MOSPD1: variants seen among roughly 807,000 people sequenced by gnomAD.
MOSPD1 encodes the protein motile sperm domain-containing protein 1.
In MOSPD1, 5 loss-of-function variants were observed where a neutral mutation model predicts 16.7. The observed-to-expected ratio is 0.30, with a 90% CI of 0.16 to 0.63. The LOEUF is 0.63. MOSPD1 is among the 30% of genes least tolerant of loss of function. MOSPD1 has a pLI of 0.82. For synonymous variants in MOSPD1, 67 were observed against 59.2 expected (o/e 1.13, Z -0.61); for missense variants, 104 against 153.6 (o/e 0.68, Z 1.71).
intron 4 of MOSPD1, among the ~76,000 whole-genome samples, chrX:134,895,436 TACATATATTTACATAC>T (rs1470399265): frequency 8.9e-6 from 1 of 112,243 alleles, no homozygotes; most frequent in Non-Finnish European, 1.9e-5. Context: ...AAGTTCTCCT[TACATATATTTACATAC>T]ACATATACCC....
chrX:134,896,615 G>C (rs2082885956), intron 4 of MOSPD1, among the ~76,000 whole-genome samples: 1 of 111,610 alleles, frequency 9.0e-6, no homozygotes, highest in South Asian at 3.7e-4. Context: ...GGTCCAGTGA[G>C]GGGTATTCCC....
rs769630845 is a variant in MOSPD1 at position 134,912,241 on chromosome X, T to C, written c.-102+2941A>G. Among the ~76,000 whole-genome samples the C allele has an allele frequency of 2.7e-5, 3 of 111,350 alleles. No individual in the cohort carries two copies. In the East Asian group the frequency reaches 8.5e-4, roughly 32 times the overall value. On this transcript the variant is annotated intron_variant, in intron 1 of 5. Transcript: ENST00000370783. ...TTTTGTATTTTTAGTAGAGTCGGGGTTTCTCCATGTTGGTCAGGCTGGTCT... is the reference window on the plus strand; with the variant it reads ...TTTTGTATTTTTAGTAGAGTCGGGGCTTCTCCATGTTGGTCAGGCTGGTCT...
chrX:134,910,617 TAAAG>T lies in MOSPD1; in HGVS notation c.-102+4561_-102+4564del, dbSNP rs35762678. Reference sequence around the variant, plus strand: ...ATAGATATAAAGTGCTCTGGGAGCATAAAGAAAGTGATCATCTGCCTTAAGGCTA... The same window carrying T: ...ATAGATATAAAGTGCTCTGGGAGCATAAAGTGATCATCTGCCTTAAGGCTA... On this transcript the variant is annotated intron_variant, in intron 1 of 5. Coordinates refer to ENST00000370783, the MANE Select transcript of MOSPD1 (RefSeq NM_019556.3). 5.5e-3 allele frequency among the ~76,000 whole-genome samples: 610 copies of T among 111,625 alleles called. 4 individuals are homozygous for T. Among genetic ancestry groups the T allele is most frequent in the African/African-American group, 0.019 (584 of 30,755 alleles).
chrX:134,894,126 C>T (rs1288174682), intron 4 of MOSPD1, among the ~76,000 whole-genome samples: 1 of 111,934 alleles, frequency 8.9e-6, no homozygotes, highest in Admixed American at 9.6e-5. Context: ...ACAAAATGTA[C>T]TTATGCACAT....
intron 1 of MOSPD1, among the ~76,000 whole-genome samples, chrX:134,900,888 C>A (rs1019336355): frequency 2.7e-5 from 3 of 111,400 alleles, no homozygotes; most frequent in Non-Finnish European, 5.6e-5. Context: ...AAATAAAATG[C>A]AAAAGCTAAA....
chrX:134,902,065 A>G (rs1344232327), intron 1 of MOSPD1, among the ~76,000 whole-genome samples: 1 of 110,881 alleles, frequency 9.0e-6, no homozygotes, highest in African/African-American at 3.3e-5. Flanking sequence ...GTTTGTTGTT[A>G]TTATTATTAT....
chrX:134,896,878 C>T lies in MOSPD1; in HGVS notation c.387G>A (p.Glu129=). ...PSAKEQQKEE[E]EKRLKEHLTE... ...TTAAATGTTCCTTTAATCTTTTTTC[C>T]TCTTCTTCCTTTTGTTGTTCTTTTG... Residue 129 remains glutamate, a synonymous_variant, in exon 4 of 6, where the codon GAG becomes GAA. Coordinates refer to ENST00000370783, the MANE Select transcript of MOSPD1 (RefSeq NM_019556.3). 8.3e-7 allele frequency: 1 copy of T among 1,210,447 alleles called. No homozygotes were observed. The highest frequency in any genetic ancestry group is 1.1e-6 in the Non-Finnish European group (1 of 894,635).
At position 134,896,911 on chromosome X, in the gene MOSPD1, G is replaced by A; in HGVS notation, c.354C>T (p.Leu118=). 6 of 1,208,086 alleles carry A rather than the reference G, an allele frequency of 5.0e-6. No individual in the cohort carries two copies. Among genetic ancestry groups the A allele is most frequent in the East Asian group, 3.0e-5 (1 of 33,834 alleles). ...LGRKEVVATL[L]PSAKEQQKEE... ...CCTTTTGTTGTTCTTTTGCTGATGGGAGAAGAGTAGCAACAACCTCTTTTC... is the reference window on the plus strand; with the variant it reads ...CCTTTTGTTGTTCTTTTGCTGATGGAAGAAGAGTAGCAACAACCTCTTTTC... Residue 118 remains leucine (L), a synonymous_variant, in exon 4 of 6, where the codon CTC becomes CTT. Transcript: ENST00000370783.
intron 1 of MOSPD1, among the ~76,000 whole-genome samples, chrX:134,903,151 G>C (rs1054350023): frequency 1.8e-5 from 2 of 110,372 alleles, no homozygotes; most frequent in Admixed American, 9.7e-5. Flanking sequence ...TAGGATAAAA[G>C]GTGGTATCTC....
chrX:134,904,210 A>G (rs1290130241), intron 1 of MOSPD1, among the ~76,000 whole-genome samples: 2 of 112,266 alleles, frequency 1.8e-5, no homozygotes, highest in African/African-American at 6.5e-5. Flanking sequence ...AACCTCACTC[A>G]CAGCAAAGGA....
In MOSPD1 at chrX:134,899,371, G is replaced by A; in HGVS notation, c.63C>T (p.Pro21=). ...CATCTGCATAAAATATGAGCTCCGT[G>A]GGGAACACGAAAACAGGAAGATTTC... ...VEGNLPVFVF[P]TELIFYADDQ... The change falls in exon 2 of 6, where the codon CCC becomes CCT. Residue 21 remains proline (P), a synonymous_variant. Coordinates refer to ENST00000370783, the MANE Select transcript of MOSPD1 (RefSeq NM_019556.3). 8.3e-7 allele frequency: 1 copy of A among 1,199,150 alleles called. No individual in the cohort carries two copies. The highest frequency in any genetic ancestry group is 1.8e-5 in the South Asian group (1 of 54,162).
chrX:134,894,165 A>G lies in MOSPD1; in HGVS notation c.449-2525T>C, dbSNP rs182907590. ...CAAGGTCTGGAAAGTAACATGGAACACTTATATAAGCAGATTTGTTAAGTG... is the reference window on the plus strand; with the variant it reads ...CAAGGTCTGGAAAGTAACATGGAACGCTTATATAAGCAGATTTGTTAAGTG... On this transcript the variant is annotated intron_variant, in intron 4 of 5. Coordinates refer to ENST00000370783, the MANE Select transcript of MOSPD1 (RefSeq NM_019556.3). 1.4e-3 allele frequency among the ~76,000 whole-genome samples: 154 copies of G among 112,321 alleles called. 2 individuals carry two copies. Among genetic ancestry groups the G allele is most frequent in the African/African-American group, 4.8e-3 (149 of 30,997 alleles).
intron 1 of MOSPD1, among the ~76,000 whole-genome samples, chrX:134,913,123 T>C (rs1409695461): frequency 9.2e-6 from 1 of 108,490 alleles, no homozygotes; most frequent in Non-Finnish European, 1.9e-5. Flanking sequence ...CCTGTAATCA[T>C]AGCACTTTGG....
intron 3 of MOSPD1, among the ~76,000 whole-genome samples, chrX:134,897,546 TAAAAAAAA>T (rs1221758366): frequency 5.2e-5 from 3 of 57,925 alleles, no homozygotes; most frequent in African/African-American, 2.0e-4. Flanking sequence ...TCTGTCTTAT[TAAAAAAAA>T]AAAAAAAAAA....
intron 1 of MOSPD1, among the ~76,000 whole-genome samples, chrX:134,901,980 T>C (rs2082913504): frequency 8.9e-6 from 1 of 112,245 alleles, no homozygotes; most frequent in Non-Finnish European, 1.9e-5. Context: ...AATAATTATA[T>C]AGACTGAATG....
At chrX:134,913,233 G>A (rs141641763) in intron 1 of MOSPD1, among the ~76,000 whole-genome samples, 1,865 of 110,534 alleles carry the variant, frequency 0.017, 48 homozygotes, top group African/African-American at 0.059. Context: ...AAAGTAGCTG[G>A]GCATGGTGGT....
intron 3 of MOSPD1, among the ~76,000 whole-genome samples, chrX:134,898,461 C>T (rs1347677174): frequency 8.9e-6 from 1 of 111,939 alleles, no homozygotes; most frequent in African/African-American, 3.2e-5. Flanking sequence ...ATACAGTGTA[C>T]TTGGTAGCTT....
chrX:134,895,318 C>T (rs1011169459), intron 4 of MOSPD1, among the ~76,000 whole-genome samples: 22 of 95,475 alleles, frequency 2.3e-4, no homozygotes, highest in African/African-American at 7.8e-4. Flanking sequence ...GAGAGAAACC[C>T]TTTCTCAAAA....
At position 134,899,270 on chromosome X, in the gene MOSPD1, G is replaced by A. The variant is rs1489031295; in HGVS notation, c.154+10C>T. 8.5e-7 allele frequency: 1 copy of A among 1,179,615 alleles called. No individual in the cohort carries two copies. Among genetic ancestry groups the A allele is most frequent in the East Asian group, 3.0e-5 (1 of 33,589 alleles). ...GTTAAAAACCCAGAAAATAGAGCTA[G>A]GAGACTCACCTTTGAACTTTAAGGC... On this transcript the variant is annotated intron_variant, in intron 2 of 5. Transcript: ENST00000370783.
Sources: gnomAD v4.1 joint callset for allele counts (sites outside exome capture counted in the v4.1 genomes callset) on GRCh38, gnomAD v4.1.1 for gene constraint, MANE v1.5 for transcripts, NCBI Gene and HGNC (gene_info 2026-07-23, HGNC 2026-07-21) for gene names.